The following FBXL18 variants were observed in gnomAD, a reference collection of about 807,000 sequenced individuals.
FBXL18 encodes F-box/LRR-repeat protein 18.
A neutral mutation model predicts 46.0 loss-of-function variants in FBXL18; 36 were observed. The observed-to-expected ratio is 0.78, with a 90% confidence interval of 0.60 to 1.03. The LOEUF (loss-of-function observed/expected upper bound fraction) is 1.03, where lower values mean the gene tolerates loss of function less well. Ranked by LOEUF, FBXL18 falls within the 50% of genes least tolerant of loss-of-function variation. The pLI is 0.00. For synonymous variants in FBXL18, 557 were observed against 465.3 expected, an observed-to-expected ratio of 1.20 and a Z score of -2.54; for missense variants, 977 against 1,004.1, an observed-to-expected ratio of 0.97 and a Z score of 0.36.
At chr7:5,461,598 G>A (rs755618764) in intron 4 of FBXL18, among the ~76,000 whole-genome samples, 3 of 151,960 alleles carry the variant, frequency 2.0e-5, no homozygotes, top group African/African-American at 2.4e-5. Flanking sequence ...AGTTATGATC[G>A]TGCCACTACA....
At position 5,491,267 on chromosome 7, in the gene FBXL18, G is replaced by A. The variant is rs1250696578; in HGVS notation, c.1964C>T (p.Ala655Val). The change falls in exon 4 of 5, where the codon GCC becomes GTC. Residue 655 changes from alanine (A) to valine (V), a missense_variant. Transcript: ENST00000382368. ...CGACTGCTGCAGGCTCTTGCAGGTG[G>A]CGAGGGACTCCCCGGTGAACAGGTG... ...MCHLFTGESL[A>V]TCKSLQQSLL... is the part of the protein sequence containing the mutation. The A allele has an allele frequency of 6.2e-7, 1 of 1,613,224 alleles. No homozygotes were observed. The highest frequency in any genetic ancestry group is 8.5e-7 in the Non-Finnish European group (1 of 1,179,816).
chr7:5,512,804 C>T (rs780417864), intron 1 of FBXL18, among the ~76,000 whole-genome samples: 3 of 152,042 alleles, frequency 2.0e-5, no homozygotes, highest in Admixed American at 2.0e-4. Context: ...ATTTCTAGGC[C>T]GCATTCACTT....
Position 5,496,847 on chromosome 7 carries a change from G to A in FBXL18, c.1781+3641C>T, listed in dbSNP as rs913298547. ...TCGAGACCAGCCTGGCCAACATGGT[G>A]AAACCCCGTCTCTACTAAAAATACA... On this transcript the variant is annotated intron_variant, in intron 3 of 4. Coordinates refer to ENST00000382368, the MANE Select transcript of FBXL18 (RefSeq NM_024963.6). The surrounding 1 kb of genome is among the most constrained non-coding windows in gnomAD (Gnocchi z 4.8). 6.6e-6 allele frequency among the ~76,000 whole-genome samples: 1 copy of A among 151,830 alleles called. No homozygotes were observed. Among genetic ancestry groups the A allele is most frequent in the Non-Finnish European group, 1.5e-5 (1 of 67,976 alleles).
At chr7:5,470,215 C>G (rs576480931) in intron 4 of FBXL18, among the ~76,000 whole-genome samples, 2 of 152,252 alleles carry the variant, frequency 1.3e-5, no homozygotes, top group African/African-American at 4.8e-5. Context: ...GCATGCTGGC[C>G]GAGGGGGCCT....
At chr7:5,456,110 TCCCACC>T (rs567398969) in intron 4 of FBXL18, among the ~76,000 whole-genome samples, 237 of 151,858 alleles carry the variant, frequency 1.6e-3, no homozygotes, top group African/African-American at 5.6e-3. Context: ...CAACTCCTGC[TCCCACC>T]TAACGTCATC....
intron 4 of FBXL18, among the ~76,000 whole-genome samples, chr7:5,482,587 G>A (rs1783677500): frequency 6.6e-6 from 1 of 150,786 alleles, no homozygotes. Flanking sequence ...CCCACCGAGT[G>A]CCAGACGCTG....
intron 4 of FBXL18, among the ~76,000 whole-genome samples, chr7:5,487,517 C>T (rs1333697628): frequency 2.6e-5 from 4 of 152,210 alleles, no homozygotes; most frequent in African/African-American, 7.2e-5. Flanking sequence ...GCACAGTCCC[C>T]GACACGGCCC....
chr7:5,505,602 T>C lies in FBXL18; in HGVS notation c.47A>G (p.His16Arg). The C allele has an allele frequency of 6.2e-7, 1 of 1,613,858 alleles. No homozygotes were observed. Among genetic ancestry groups the C allele is most frequent in the Non-Finnish European group, 8.5e-7 (1 of 1,179,930 alleles). The change falls in exon 2 of 5, where the codon CAC (histidine) becomes CGC (arginine). Residue 16 changes from histidine (H) to arginine (R), a missense_variant. Physicochemically the swap from His to Arg is conservative, Grantham distance 29. Coordinates refer to ENST00000382368, the MANE Select transcript of FBXL18 (RefSeq NM_024963.6). ...EDISNDDDDM[H>R]PAAAGMADGV... is the part of the protein sequence containing the mutation. ...GTCTGCCATCCCGGCTGCTGCAGGG[T>C]GCATGTCATCATCATCATTGGATAT...
At chr7:5,503,043 A>T (rs1479592047) in intron 2 of FBXL18, among the ~76,000 whole-genome samples, 2 of 152,202 alleles carry the variant, frequency 1.3e-5, no homozygotes, top group Non-Finnish European at 2.9e-5. Context: ...TGGATGGATG[A>T]ATCAGATGCC....
rs1783766326 is a variant in FBXL18 at position 5,486,062 on chromosome 7, A to AAAT, written c.2001-4132_2001-4131insATT. ...CAACAGAGCAAGACTCTGTCTCAAAAAAATAAATAAATAAATAAATAAATA... is the reference window on the plus strand; with the variant it reads ...CAACAGAGCAAGACTCTGTCTCAAAAAATAAATAAATAAATAAATAAATAAATA... On this transcript the variant is annotated intron_variant, in intron 4 of 4. Transcript: ENST00000382368. 1.4e-4 allele frequency among the ~76,000 whole-genome samples: 20 copies of AAAT among 139,758 alleles called. 1 individual carries two copies. Among genetic ancestry groups the AAAT allele is most frequent in the Admixed American group, 1.0e-3 (14 of 13,850 alleles). The allele number at this position is 139,758 out of a possible 152,430, so 91.7% of individuals were successfully genotyped here. A position where few individuals can be genotyped will look rare whatever the true frequency, so the allele number is the denominator to read the frequency against.
Position 5,501,409 on chromosome 7 carries a change from G to A in FBXL18, c.860C>T (p.Ala287Val), listed in dbSNP as rs370105458. Residue 287 changes from alanine to valine, a missense_variant, in exon 3 of 5, where the codon GCG becomes GTG. Physicochemically the swap from Ala to Val is moderately conservative, Grantham distance 64 (BLOSUM62 0). Transcript: ENST00000382368. ...GATKNLLDSM[A>V]RNVVLDALQL... ...CAGGGCATCCAGCACGACATTGCGC[G>A]CCATGGAGTCCAGGAGGTTCTTGGT... 5.0e-6 allele frequency: 8 copies of A among 1,613,564 alleles called. No homozygotes were observed. The highest frequency in any genetic ancestry group is 1.6e-4 in the Middle Eastern group (1 of 6,082).
Position 5,501,847 on chromosome 7 carries a change from G to A in FBXL18, c.422C>T (p.Ser141Leu), listed in dbSNP as rs1160732311. The A allele has an allele frequency of 3.8e-6, 6 of 1,599,462 alleles. No homozygotes were observed. The highest frequency in any genetic ancestry group is 1.1e-5 in the South Asian group (1 of 88,244). Residue 141 changes from serine (S) to leucine (L), a missense_variant, in exon 3 of 5, where the codon TCG (serine) becomes TTG (leucine). Coordinates refer to ENST00000382368, the MANE Select transcript of FBXL18 (RefSeq NM_024963.6). Reference sequence around the variant, plus strand: ...CAGCGAGCGCAGGTGCTGCAGGGCCGAGAGCATCTTGGAGAGGCGCAGGGA... The same window carrying A: ...CAGCGAGCGCAGGTGCTGCAGGGCCAAGAGCATCTTGGAGAGGCGCAGGGA... ...LTSLRLSKML[S>L]ALQHLRSLAI...
chr7:5,501,507 A>C lies in FBXL18; in HGVS notation c.762T>G (p.Leu254=), dbSNP rs1201145326. ...QEVVRLYLAV[L]SDRTPQNLHA... ...GGAGGTTCTGAGGAGTGCGGTCGCT[A>C]AGCACAGCCAGGTAGAGCCGCACCA... The change falls in exon 3 of 5, where the codon CTT becomes CTG. Residue 254 remains leucine, a synonymous_variant. Transcript: ENST00000382368. 6.2e-7 allele frequency: 1 copy of C among 1,613,782 alleles called. No individual in the cohort carries two copies. Among genetic ancestry groups the C allele is most frequent in the East Asian group, 2.2e-5 (1 of 44,878 alleles).
intron 2 of FBXL18, among the ~76,000 whole-genome samples, chr7:5,502,498 A>G (rs1584237727): frequency 6.6e-6 from 1 of 150,430 alleles, no homozygotes; most frequent in African/African-American, 2.5e-5. Flanking sequence ...TCTTGCCACT[A>G]CACTCCAGCC....
At chr7:5,465,385 G>A (rs558195249) in intron 4 of FBXL18, among the ~76,000 whole-genome samples, 8 of 151,994 alleles carry the variant, frequency 5.3e-5, no homozygotes, top group African/African-American at 1.9e-4. Context: ...ATGTTTAGTC[G>A]AGACGGGGTT....
At chr7:5,469,177 C>CT (rs1562675168) in intron 4 of FBXL18, among the ~76,000 whole-genome samples, 8 of 152,028 alleles carry the variant, frequency 5.3e-5, no homozygotes, top group Non-Finnish European at 1.2e-4. Context: ...TTTGGGAGGC[C>CT]GAAGTGGGTG....
chr7:5,498,386 G>A (rs867841496), intron 3 of FBXL18, among the ~76,000 whole-genome samples: 24 of 151,536 alleles, frequency 1.6e-4, no homozygotes, highest in Middle Eastern at 3.4e-3. Context: ...GCGCCCGGCC[G>A]AGGCCATTTT....
At chr7:5,475,138 G>C (rs1783489249), downstream of FBXL18, among the ~76,000 whole-genome samples, 1 of 151,230 alleles carries the variant, frequency 6.6e-6, no homozygotes, top group South Asian at 2.1e-4. The surrounding 1 kb of genome is among the most constrained non-coding windows in gnomAD (Gnocchi z 4.2). Context: ...GGTCAACATG[G>C]CGAAACCCCG....
intron 4 of FBXL18, among the ~76,000 whole-genome samples, chr7:5,484,193 C>T (rs1422571574): frequency 2.0e-5 from 3 of 152,046 alleles, no homozygotes; most frequent in Admixed American, 6.6e-5. Flanking sequence ...GTCGGCTGGC[C>T]GTGGTGGCTC....
Sources: allele counts gnomAD v4.1 joint callset (sites outside exome capture counted in the v4.1 genomes callset), GRCh38; gene constraint gnomAD v4.1.1; non-coding constraint Gnocchi (gnomAD v3.1); transcripts MANE v1.5; gene names NCBI Gene and HGNC (gene_info 2026-07-23, HGNC 2026-07-21).